CES5A: variants seen among roughly 807,000 people sequenced by gnomAD.
The protein encoded by CES5A is carboxylesterase 5A.
In CES5A, 67 loss-of-function variants were observed where a neutral mutation model predicts 62.9. The observed-to-expected ratio is 1.07, with a 90% CI of 0.88 to 1.31. The LOEUF (loss-of-function observed/expected upper bound fraction) is 1.31, where lower values mean the gene tolerates loss of function less well. Among genes scored for constraint, CES5A ranks in the 50% most tolerant of loss-of-function variants. CES5A has a pLI of 0.00. For missense variants in CES5A, 748 were observed against 708.5 expected (o/e 1.06, Z -0.63); for synonymous variants, 296 against 280.8 (o/e 1.05, Z -0.54).
At chr16:55,866,669 AAAAAAAAAATAC>A (rs1256206354) in intron 4 of CES5A, among the ~76,000 whole-genome samples, 7 of 140,238 alleles carry the variant, frequency 5.0e-5, no homozygotes, top group Non-Finnish European at 9.4e-5. Context: ...AAAAAAAAAA[AAAAAAAAAATAC>A]AAAAAAATTA....
rs2142400285 is a variant in CES5A at position 55,863,403 on chromosome 16, C to T, written c.755G>A (p.Ser252Asn). The T allele has an allele frequency of 6.2e-7, 1 of 1,610,642 alleles. No homozygotes were observed. The highest frequency in any genetic ancestry group is 8.5e-7 in the Non-Finnish European group (1 of 1,177,572). ...KGLFHKAIMESGVAIIPYLEA... is the reference protein window; with the variant it reads ...KGLFHKAIMENGVAIIPYLEA... ...CAGGTAAGGGATGATGGCCACCCCA[C>T]TCTCCATGATGGCTTTGTGGAATAA... is the stretch of plus-strand genomic sequence containing the variant. The change falls in exon 6 of 13, where the codon AGT (serine) becomes AAT (asparagine). Residue 252 changes from serine to asparagine, a missense_variant. Coordinates refer to ENST00000290567, the MANE Select transcript of CES5A (RefSeq NM_001143685.2).
chr16:55,946,827 T>C (rs2034500094), intron 2 of CES5A, among the ~76,000 whole-genome samples: 1 of 152,208 alleles, frequency 6.6e-6, no homozygotes, highest in Non-Finnish European at 1.5e-5. Context: ...TTGATCCAGG[T>C]ACTCCAGGCA....
intron 1 of CES5A, among the ~76,000 whole-genome samples, chr16:55,887,382 C>CA (rs202239600): frequency 0.33 from 29,816 of 90,998 alleles, 3,955 homozygotes; most frequent in Non-Finnish European, 0.41. Flanking sequence ...GGACCAGAGG[C>CA]AAAAAAAAAA....
intron 5 of CES5A, among the ~76,000 whole-genome samples, chr16:55,864,938 G>A (rs2142402068): frequency 6.6e-6 from 1 of 152,080 alleles, no homozygotes; most frequent in Middle Eastern, 3.4e-3. Flanking sequence ...CGGACACGGT[G>A]GCTCACGCCT....
At chr16:55,879,440 C>T (rs564789806), upstream of CES5A, among the ~76,000 whole-genome samples, 1 of 151,750 alleles carries the variant, frequency 6.6e-6, no homozygotes, top group African/African-American at 2.4e-5. Context: ...GCCACTATCT[C>T]CCATCCCTGC....
At chr16:55,870,234 C>T (rs1339298820) in intron 3 of CES5A, among the ~76,000 whole-genome samples, 2 of 150,844 alleles carry the variant, frequency 1.3e-5, no homozygotes, top group East Asian at 3.9e-4. Flanking sequence ...GAAAAGCTCT[C>T]TACCTTCAGA....
At chr16:55,945,909 TA>T (rs1207635045) in intron 2 of CES5A, among the ~76,000 whole-genome samples, 1 of 152,122 alleles carries the variant, frequency 6.6e-6, no homozygotes, top group African/African-American at 2.4e-5. Context: ...TCATGAACAC[TA>T]CAGTCCCTCT....
At chr16:55,854,573 G>A (rs1425990806) in intron 9 of CES5A, among the ~76,000 whole-genome samples, 5 of 16,154 alleles carry the variant, frequency 3.1e-4, no homozygotes, top group East Asian at 2.9e-3. Flanking sequence ...AGAGTCTCTC[G>A]CTCTGTTGCC....
rs533767173 is a variant in CES5A, at chr16:55,937,750, T to C, written c.160+12035A>G. On this transcript the variant is annotated intron_variant, in intron 2 of 13. Coordinates refer to the CES5A transcript ENST00000521992. ...AGCCCACGCACCTTCTTCATAATTCTTCTCTTTATGTTAATTATCAGCCTG... is the reference window on the plus strand; with the variant it reads ...AGCCCACGCACCTTCTTCATAATTCCTCTCTTTATGTTAATTATCAGCCTG... Among the ~76,000 whole-genome samples, 4 of 152,266 alleles carry C rather than the reference T, an allele frequency of 2.6e-5. No individual in the cohort carries two copies. In the South Asian group the frequency reaches 8.3e-4, roughly 32 times the overall value.
chr16:55,876,511 G>A (rs1254427026), upstream of CES5A, among the ~76,000 whole-genome samples: 1 of 152,198 alleles, frequency 6.6e-6, no homozygotes, highest in Non-Finnish European at 1.5e-5. Flanking sequence ...AGGGAACAGA[G>A]GTAGGGAAAG....
chr16:55,933,148 G>A (rs1035222565), intron 2 of CES5A, among the ~76,000 whole-genome samples: 1 of 152,200 alleles, frequency 6.6e-6, no homozygotes, highest in African/African-American at 2.4e-5. Flanking sequence ...GAAAGAGAGA[G>A]ATGAAGGAGG....
At chr16:55,938,799 C>T (rs8060488) in intron 2 of CES5A, among the ~76,000 whole-genome samples, 2,867 of 41,760 alleles carry the variant, frequency 0.069, 42 homozygotes, top group Non-Finnish European at 0.096. Flanking sequence ...TATATATATA[C>T]ACACATATAT....
intron 1 of CES5A, among the ~76,000 whole-genome samples, chr16:55,882,205 A>C (rs1393326371): frequency 6.6e-6 from 1 of 152,124 alleles, no homozygotes; most frequent in Non-Finnish European, 1.5e-5. Context: ...TGTCACTATA[A>C]ATATATAACT....
chr16:55,873,537 G>A (rs1226458532), intron 2 of CES5A, among the ~76,000 whole-genome samples: 3 of 152,308 alleles, frequency 2.0e-5, no homozygotes, highest in Middle Eastern at 3.4e-3. Flanking sequence ...GGTGATCAGA[G>A]TCTCTAAAAA....
intron 2 of CES5A, among the ~76,000 whole-genome samples, chr16:55,872,582 T>C (rs2033613862): frequency 6.6e-6 from 1 of 152,192 alleles, no homozygotes; most frequent in African/African-American, 2.4e-5. Context: ...AGGCTGTAAA[T>C]GTGAATGCTT....
chr16:55,863,070 T>G (rs751474787), intron 6 of CES5A, among the ~76,000 whole-genome samples: 5 of 152,212 alleles, frequency 3.3e-5, no homozygotes, highest in Non-Finnish European at 5.9e-5. Context: ...TACAGGGGAC[T>G]GACTTATCTA....
At chr16:55,875,619 A>C (rs1234023881), upstream of CES5A, among the ~76,000 whole-genome samples, 8 of 152,224 alleles carry the variant, frequency 5.3e-5, no homozygotes, top group African/African-American at 1.9e-4. Flanking sequence ...AGAGAAGCTG[A>C]GAAGTTTCTG....
intron 1 of CES5A, among the ~76,000 whole-genome samples, chr16:55,903,755 C>T (rs1028365842): frequency 1.3e-5 from 2 of 152,300 alleles, no homozygotes; most frequent in East Asian, 1.9e-4. Context: ...TAGCTCAGAT[C>T]CTCTTTACAG....
In CES5A at chr16:55,859,573, G is replaced by T; in HGVS notation, c.1030C>A (p.His344Asn). 6.2e-7 allele frequency: 1 copy of T among 1,613,386 alleles called. No homozygotes were observed. Among genetic ancestry groups the T allele is most frequent in the African/African-American group, 1.3e-5 (1 of 75,020 alleles). Residue 344 changes from histidine to asparagine, a missense_variant, in exon 8 of 13, where the codon CAC becomes AAC. His to Asn is a moderately conservative substitution (Grantham distance 68). Coordinates refer to ENST00000290567, the MANE Select transcript of CES5A (RefSeq NM_001143685.2). ...ATAGGCAGCAGGAAGCCACACTCGTGGTTATTGACTCCGATGATGGAAGGA... is the reference window on the plus strand; with the variant it reads ...ATAGGCAGCAGGAAGCCACACTCGTTGTTATTGACTCCGATGATGGAAGGA... ...AIPSIIGVNN[H>N]ECGFLLPMKE...
Sources: allele counts gnomAD v4.1 joint callset (sites outside exome capture counted in the v4.1 genomes callset), GRCh38; gene constraint gnomAD v4.1.1; transcripts MANE v1.5; gene names NCBI Gene and HGNC (gene_info 2026-07-23, HGNC 2026-07-21).